The following RAB3C variants were observed in gnomAD, a reference collection of about 807,000 sequenced individuals.
The protein encoded by RAB3C is ras-related protein Rab-3C.
A neutral mutation model predicts 26.4 loss-of-function variants in RAB3C; 17 were observed. The ratio of observed to expected loss-of-function variants is 0.64; its 90% CI spans 0.44 to 0.97. The LOEUF (loss-of-function observed/expected upper bound fraction) is 0.97. RAB3C is among the 50% of genes least tolerant of loss of function. The pLI is 0.00. For synonymous variants in RAB3C, 91 were observed against 95.9 expected (o/e 0.95, Z 0.30); for missense variants, 242 against 281.9 (o/e 0.86, Z 1.01).
At chr5:58,697,813 G>T (rs564248619) in intron 2 of RAB3C, among the ~76,000 whole-genome samples, 1 of 152,172 alleles carries the variant, frequency 6.6e-6, no homozygotes, top group African/African-American at 2.4e-5. Flanking sequence ...GAGCCTATGT[G>T]CGTCTTTGCA....
intron 4 of RAB3C, among the ~76,000 whole-genome samples, chr5:58,838,185 C>A (rs1326663916): frequency 6.6e-6 from 1 of 152,114 alleles, no homozygotes; most frequent in Non-Finnish European, 1.5e-5. Context: ...CCGAGACCAT[C>A]CTGGTTAACA....
At chr5:58,589,836 T>A (rs926030624) in intron 1 of RAB3C, among the ~76,000 whole-genome samples, 2 of 152,212 alleles carry the variant, frequency 1.3e-5, no homozygotes, top group Non-Finnish European at 2.9e-5. Context: ...GAACTTTCTC[T>A]CATTGAATTT....
chr5:58,766,263 T>A (rs1741901270), intron 3 of RAB3C, among the ~76,000 whole-genome samples: 1 of 152,038 alleles, frequency 6.6e-6, no homozygotes, highest in African/African-American at 2.4e-5. Context: ...ATTACAGGCG[T>A]GTGCCACCAC....
At chr5:58,749,607 G>A (rs1437639877) in intron 3 of RAB3C, among the ~76,000 whole-genome samples, 2 of 152,076 alleles carry the variant, frequency 1.3e-5, no homozygotes, top group East Asian at 3.8e-4. Flanking sequence ...TTTGTCAAAG[G>A]ATATGAATAA....
chr5:58,726,863 G>T (rs575729202), intron 3 of RAB3C, among the ~76,000 whole-genome samples: 76 of 152,048 alleles, frequency 5.0e-4, no homozygotes, highest in Non-Finnish European at 8.7e-4. Flanking sequence ...AGCACCTTGA[G>T]AGCAGACACT....
At chr5:58,760,099 C>T (rs1741765684) in intron 3 of RAB3C, among the ~76,000 whole-genome samples, 1 of 152,120 alleles carries the variant, frequency 6.6e-6, no homozygotes, top group Non-Finnish European at 1.5e-5. Context: ...TATTTGAGAC[C>T]CTCCCACTAA....
At chr5:58,737,826 A>G (rs1356871623) in intron 3 of RAB3C, among the ~76,000 whole-genome samples, 2 of 152,148 alleles carry the variant, frequency 1.3e-5, no homozygotes, top group South Asian at 2.1e-4. Context: ...CTGTTTTACC[A>G]GAGCTTTGCT....
At chr5:58,600,445 A>G (rs1746427261) in intron 1 of RAB3C, among the ~76,000 whole-genome samples, 1 of 152,030 alleles carries the variant, frequency 6.6e-6, no homozygotes, top group Admixed American at 6.6e-5. Context: ...GGTCATTTTC[A>G]CAATATTGAT....
intron 3 of RAB3C, among the ~76,000 whole-genome samples, chr5:58,771,700 G>C (rs2111988832): frequency 6.6e-6 from 1 of 152,148 alleles, no homozygotes; most frequent in African/African-American, 2.4e-5. Flanking sequence ...GAAAAGAATG[G>C]TTATAGTTAC....
intron 3 of RAB3C, among the ~76,000 whole-genome samples, chr5:58,798,313 A>G (rs1227420788): frequency 6.6e-6 from 1 of 152,196 alleles, no homozygotes; most frequent in South Asian, 2.1e-4. Context: ...AGGGAAAAAA[A>G]GATACTTTTA....
At chr5:58,774,764 GC>G (rs535082973) in intron 3 of RAB3C, among the ~76,000 whole-genome samples, 42 of 152,248 alleles carry the variant, frequency 2.8e-4, no homozygotes, top group African/African-American at 1.0e-3. Flanking sequence ...TGAAGACTCT[GC>G]ATTCAAAGCA....
At chr5:58,779,726 A>G (rs1294459579) in intron 3 of RAB3C, among the ~76,000 whole-genome samples, 3 of 152,162 alleles carry the variant, frequency 2.0e-5, no homozygotes, top group Admixed American at 6.6e-5. Context: ...TAGAGGAGCC[A>G]GAACTGAACA....
At position 58,855,792 on chromosome 5, in the gene RAB3C, T is replaced by G. The variant is rs1744244801; in HGVS notation, c.*4441T>G. ...GTTTATGACCAGAATAAAAAAGCCT[T>G]TACCCCTGCACAGCACTGTATCTAA... is the stretch of plus-strand genomic sequence containing the variant. On this transcript the variant is annotated 3_prime_UTR_variant, in exon 5 of 5. Coordinates refer to ENST00000282878, the MANE Select transcript of RAB3C (RefSeq NM_138453.4). The G allele has an allele frequency of 6.6e-6, 1 of 152,152 alleles. No individual in the cohort carries two copies. The highest frequency in any genetic ancestry group is 6.5e-5 in the Admixed American group (1 of 15,274). 9.4% of individuals were successfully genotyped at this position (152,152 alleles called of 1,614,324 possible).
chr5:58,819,554 A>T (rs1381477839), intron 3 of RAB3C, among the ~76,000 whole-genome samples: 1 of 152,182 alleles, frequency 6.6e-6, no homozygotes, highest in Non-Finnish European at 1.5e-5. Context: ...GCATTTTACG[A>T]ATTCTAAGAT....
intron 2 of RAB3C, among the ~76,000 whole-genome samples, chr5:58,710,230 A>G (rs1749028635): frequency 6.6e-6 from 1 of 152,148 alleles, no homozygotes; most frequent in African/African-American, 2.4e-5. Flanking sequence ...AAAGCAACTA[A>G]TAAGTAAATT....
chr5:58,775,929 A>G (rs981743892), intron 3 of RAB3C, among the ~76,000 whole-genome samples: 1 of 151,982 alleles, frequency 6.6e-6, no homozygotes, highest in Non-Finnish European at 1.5e-5. Flanking sequence ...TTGACATTCT[A>G]TTGCTCACAT....
chr5:58,837,217 G>C (rs1743769285), intron 4 of RAB3C, among the ~76,000 whole-genome samples: 1 of 151,966 alleles, frequency 6.6e-6, no homozygotes, highest in Non-Finnish European at 1.5e-5. Flanking sequence ...GTCTTACTCT[G>C]TCACCCAGGC....
intron 2 of RAB3C, among the ~76,000 whole-genome samples, chr5:58,692,126 T>C (rs539957954): frequency 6.6e-6 from 1 of 152,302 alleles, no homozygotes; most frequent in African/African-American, 2.4e-5. Flanking sequence ...TCTGAAAGTA[T>C]GTATAGTCAC....
chr5:58,661,374 C>T (rs1747903874), intron 2 of RAB3C, among the ~76,000 whole-genome samples: 1 of 149,938 alleles, frequency 6.7e-6, no homozygotes, highest in South Asian at 2.1e-4. Context: ...TATAATATGC[C>T]ATTCATAGCA....
Sources: gnomAD v4.1 joint callset for allele counts (sites outside exome capture counted in the v4.1 genomes callset) on GRCh38, gnomAD v4.1.1 for gene constraint, MANE v1.5 for transcripts, NCBI Gene and HGNC (gene_info 2026-07-23, HGNC 2026-07-21) for gene names.